The following TACC1 variants were observed in gnomAD, a reference collection of about 807,000 sequenced individuals.
TACC1 encodes the protein transforming acidic coiled-coil-containing protein 1.
In TACC1, 48 loss-of-function variants were observed where a neutral mutation model predicts 84.4. The ratio of observed to expected loss-of-function variants is 0.57; its 90% CI spans 0.45 to 0.72. The LOEUF is 0.72. Among genes scored for constraint, TACC1 ranks in the 30% least tolerant of loss-of-function variants. The probability of loss-of-function intolerance (pLI) is 0.00; values close to 1 mark genes in which losing one functional copy is unlikely to be tolerated. For synonymous variants in TACC1, 372 were observed against 376.3 expected, an observed-to-expected ratio of 0.99 and a Z score of 0.13; for missense variants, 920 against 973.0, an observed-to-expected ratio of 0.95 and a Z score of 0.72.
At chr8:38,820,719 T>G in intron 3 of TACC1, 84 bp downstream of exon 3, 1 of 1,526,022 alleles carries the variant, frequency 6.6e-7, no homozygotes, top group Non-Finnish European at 8.8e-7. Context: ...TTTGGTGAAC[T>G]GAATTTACCT....
chr8:38,842,752 G>A (rs1469758022), intron 10 of TACC1, among the ~76,000 whole-genome samples: 1 of 152,226 alleles, frequency 6.6e-6, no homozygotes, highest in Non-Finnish European at 1.5e-5. Context: ...CAGACCTCAG[G>A]TGAATTCTAG....
At chr8:38,782,241 A>G (rs1019844706), upstream of TACC1, among the ~76,000 whole-genome samples, 13 of 151,672 alleles carry the variant, frequency 8.6e-5, no homozygotes, top group Non-Finnish European at 1.6e-4. Flanking sequence ...TCACTGTTCA[A>G]TTCCCACCTA....
At position 38,819,627 on chromosome 8, in the gene TACC1, ACT is replaced by A; in HGVS notation, c.387_388del (p.His130LeufsTer10). On this transcript the variant is annotated frameshift_variant, in exon 3 of 13. Coordinates refer to ENST00000317827, the MANE Select transcript of TACC1 (RefSeq NM_006283.3). LOFTEE classifies it high-confidence loss of function. Reference sequence around the variant, plus strand: ...AATGAAGTGCCACAGCAGGCCATTGACTCTCACTCAGTCAAGAATTTCAGAGA... The same window carrying A: ...AATGAAGTGCCACAGCAGGCCATTGACTCACTCAGTCAAGAATTTCAGAGA... 6.2e-7 allele frequency: 1 copy of A among 1,614,204 alleles called. No homozygotes were observed. Among genetic ancestry groups the A allele is most frequent in the Non-Finnish European group, 8.5e-7 (1 of 1,180,056 alleles).
chr8:38,731,737 A>AAACAACAAC (rs56770897), intron 1 of TACC1, among the ~76,000 whole-genome samples: 2,232 of 133,140 alleles, frequency 0.017, 20 homozygotes, highest in Non-Finnish European at 0.024. Context: ...ATAAAACTGA[A>AAACAACAAC]AACAACAACA....
intron 2 of TACC1, among the ~76,000 whole-genome samples, chr8:38,790,273 G>T (rs1336456319): frequency 1.3e-5 from 2 of 152,150 alleles, no homozygotes; most frequent in African/African-American, 4.8e-5. Flanking sequence ...TGAAGTTAGG[G>T]CCCACCCTAA....
upstream of TACC1, among the ~76,000 whole-genome samples, chr8:38,783,725 G>C (rs1256672569): frequency 6.6e-6 from 1 of 152,132 alleles, no homozygotes; most frequent in Non-Finnish European, 1.5e-5. Context: ...CAGCCTGAAA[G>C]AGTATTAGCT....
chr8:38,798,128 CTT>C (rs372828458), intron 2 of TACC1, among the ~76,000 whole-genome samples: 9 of 144,718 alleles, frequency 6.2e-5, no homozygotes, highest in African/African-American at 7.6e-5. Flanking sequence ...ATTTTTCTTC[CTT>C]TTTTTTTTTT....
rs867100657 is a variant in TACC1 at position 38,846,564 on chromosome 8, T to G, written c.2229-135T>G. Reference sequence around the variant, plus strand: ...GAATTATTTAGGTCACCGATTTTTGTTTTTTTTCTCTCATGCAGTCAATTC... The same window carrying G: ...GAATTATTTAGGTCACCGATTTTTGGTTTTTTTCTCTCATGCAGTCAATTC... On this transcript the variant is annotated intron_variant, in intron 11 of 12. Coordinates refer to ENST00000317827, the MANE Select transcript of TACC1 (RefSeq NM_006283.3). 35 of 1,100,360 alleles carry G rather than the reference T, an allele frequency of 3.2e-5. No homozygotes were observed. The South Asian group carries it at 6.7e-4, about 21-fold the overall frequency. 68.2% of individuals were successfully genotyped at this position (1,100,360 alleles called of 1,614,324 possible).
At chr8:38,812,641 T>C (rs569509609) in intron 2 of TACC1, among the ~76,000 whole-genome samples, 2 of 152,382 alleles carry the variant, frequency 1.3e-5, no homozygotes, top group South Asian at 4.1e-4. Context: ...AATATAAACC[T>C]GAGTATATTC....
intron 2 of TACC1, among the ~76,000 whole-genome samples, chr8:38,744,403 A>C (rs1238127303): frequency 5.9e-5 from 9 of 152,062 alleles, no homozygotes; most frequent in Non-Finnish European, 1.0e-4. Context: ...GGCAGGAGCC[A>C]CCGCACCGAG....
At chr8:38,763,597 A>C (rs183760489) in intron 3 of TACC1, among the ~76,000 whole-genome samples, 13 of 152,334 alleles carry the variant, frequency 8.5e-5, no homozygotes, top group African/African-American at 2.9e-4. Flanking sequence ...CCATAATCTC[A>C]TCATCTGGAG....
intron 6 of TACC1, among the ~76,000 whole-genome samples, chr8:38,832,099 G>C (rs952914084): frequency 5.3e-5 from 8 of 152,176 alleles, no homozygotes; most frequent in Admixed American, 4.6e-4. Flanking sequence ...GAGCCACTGC[G>C]CCCAGCCCAT....
intron 2 of TACC1, among the ~76,000 whole-genome samples, chr8:38,810,153 A>C (rs1823731540): frequency 6.6e-6 from 1 of 152,062 alleles, no homozygotes; most frequent in Non-Finnish European, 1.5e-5. Flanking sequence ...TTTTAAAAGC[A>C]AATTCCAGAT....
chr8:38,836,106 G>T, intron 6 of TACC1, 56 bp from the exon 7 acceptor site: 2 of 1,601,082 alleles, frequency 1.2e-6, no homozygotes, highest in Non-Finnish European at 1.7e-6. Flanking sequence ...GTTGAAGGAT[G>T]TCTGGGGTTA....
intron 3 of TACC1, among the ~76,000 whole-genome samples, chr8:38,772,337 C>A (rs1227835123): frequency 6.6e-6 from 1 of 152,222 alleles, no homozygotes; most frequent in East Asian, 1.9e-4. Flanking sequence ...TTTGACACTA[C>A]AATCTCACTT....
intron 2 of TACC1, among the ~76,000 whole-genome samples, chr8:38,813,641 C>T (rs1824758397): frequency 6.6e-6 from 1 of 152,218 alleles, no homozygotes; most frequent in South Asian, 2.1e-4. Flanking sequence ...TGACTGGTTG[C>T]TCAGGTAGGT....
intron 2 of TACC1, among the ~76,000 whole-genome samples, chr8:38,793,863 A>G (rs1387007750): frequency 2.0e-5 from 3 of 152,262 alleles, no homozygotes; most frequent in Non-Finnish European, 4.4e-5. Context: ...ATGTCTGGCA[A>G]AAGTCTAACA....
At chr8:38,755,785 T>C (rs1356184292) in intron 3 of TACC1, among the ~76,000 whole-genome samples, 1 of 148,974 alleles carries the variant, frequency 6.7e-6, no homozygotes, top group Non-Finnish European at 1.5e-5. Context: ...ACTTATATTC[T>C]AGTGAAAGAT....
chr8:38,816,053 C>A (rs1030437429), intron 2 of TACC1, among the ~76,000 whole-genome samples: 1 of 151,848 alleles, frequency 6.6e-6, no homozygotes, highest in Non-Finnish European at 1.5e-5. Flanking sequence ...TCAGTAGTTG[C>A]AGATAAGTTT....
Sources: allele counts gnomAD v4.1 joint callset (sites outside exome capture counted in the v4.1 genomes callset), GRCh38; gene constraint gnomAD v4.1.1; transcripts MANE v1.5; gene names NCBI Gene and HGNC (gene_info 2026-07-23, HGNC 2026-07-21).